CDHR3: variants seen among roughly 807,000 people sequenced by gnomAD.
The protein encoded by CDHR3 is cadherin related family member 3, also known as cadherin-related family member 3.
Under a neutral mutation model 86.6 loss-of-function variants are expected in CDHR3, and 79 were observed. The ratio of observed to expected loss-of-function variants is 0.91; its 90% CI spans 0.76 to 1.10. The LOEUF (loss-of-function observed/expected upper bound fraction) is 1.10, where lower values mean the gene tolerates loss of function less well. Ranked by LOEUF, CDHR3 falls within the 50% of genes least tolerant of loss-of-function variation. The pLI, the probability that CDHR3 is intolerant of heterozygous loss-of-function variation, is 0.00. For synonymous variants in CDHR3, 421 were observed against 402.4 expected, an observed-to-expected ratio of 1.05 and a Z score of -0.55; for missense variants, 1,081 against 1,077.6, an observed-to-expected ratio of 1.00 and a Z score of -0.04.
intron 2 of CDHR3, among the ~76,000 whole-genome samples, chr7:105,979,627 C>T (rs1341568999): frequency 6.6e-6 from 1 of 152,076 alleles, no homozygotes; most frequent in Non-Finnish European, 1.5e-5. Flanking sequence ...ATGATTATTT[C>T]CCTAGTTACA....
chr7:106,027,384 G>A (rs1161487328), intron 16 of CDHR3, among the ~76,000 whole-genome samples: 1 of 134,448 alleles, frequency 7.4e-6, no homozygotes, highest in Non-Finnish European at 1.6e-5. Flanking sequence ...GCGACATAGT[G>A]AGACTCTGTC....
At chr7:106,018,275 T>A (rs1336665608) in intron 12 of CDHR3, among the ~76,000 whole-genome samples, 1 of 152,194 alleles carries the variant, frequency 6.6e-6, no homozygotes, top group Non-Finnish European at 1.5e-5. Flanking sequence ...CTCGCTCTGT[T>A]GCCCAGGATG....
intron 6 of CDHR3, 70 bp from the exon 7 acceptor site, chr7:106,001,392 T>C (rs1833146806): frequency 3.2e-6 from 5 of 1,573,630 alleles, no homozygotes; most frequent in East Asian, 2.2e-5. Context: ...CTAACCAAAA[T>C]ACCAATCGCC....
Position 106,032,958 on chromosome 7 carries a change from T to G in CDHR3, c.*261T>G. ...GCTTCTGATAAGCAAGACTGTTAAC[T>G]TTGGGGTGTGGAATTGTTGTGTTTC... On this transcript the variant is annotated 3_prime_UTR_variant, in exon 19 of 19. Coordinates refer to ENST00000317716, the MANE Select transcript of CDHR3 (RefSeq NM_152750.5). 1 of 464,444 alleles carries G rather than the reference T, an allele frequency of 2.2e-6. No homozygotes were observed. Among genetic ancestry groups the G allele is most frequent in the East Asian group, 3.4e-5 (1 of 29,080 alleles). The allele number at this position is 464,444 out of a possible 1,614,324, so 28.8% of individuals were successfully genotyped here.
chr7:105,988,178 C>T (rs774638818), intron 4 of CDHR3, among the ~76,000 whole-genome samples: 2 of 152,218 alleles, frequency 1.3e-5, no homozygotes, highest in Non-Finnish European at 2.9e-5. Context: ...CATGAGCCAC[C>T]ACACCCAGTG....
chr7:106,011,319 A>G (rs1028214887), intron 8 of CDHR3, among the ~76,000 whole-genome samples: 3 of 152,208 alleles, frequency 2.0e-5, no homozygotes, highest in African/African-American at 4.8e-5. Context: ...TGGAGCATTC[A>G]CAAACATGGC....
In CDHR3 at chr7:106,024,314, G is replaced by A. The variant is rs11505885; in HGVS notation, c.2077-67G>A. ...AAAGAGTGGAATAAACACTCAACAC[G>A]AGAGAGTGCTGAATGTCAAAATCAC... On this transcript the variant is annotated intron_variant, in intron 14 of 18. Transcript: ENST00000317716. 4.0e-4 allele frequency: 554 copies of A among 1,371,306 alleles called. 3 individuals are homozygous for A. The African/African-American group carries it at 7.1e-3, about 18-fold the overall frequency. 84.9% of individuals were successfully genotyped at this position (1,371,306 alleles called of 1,614,324 possible). A position where few individuals can be genotyped will look rare whatever the true frequency, so the allele number is the denominator to read the frequency against.
At chr7:106,005,590 T>A (rs1208154068) in intron 8 of CDHR3, among the ~76,000 whole-genome samples, 1 of 152,208 alleles carries the variant, frequency 6.6e-6, no homozygotes, top group African/African-American at 2.4e-5. Context: ...CAGCTCCAGA[T>A]GTCCCCATGG....
chr7:105,975,076 G>A (rs1185016458), intron 2 of CDHR3, 30 bp downstream of exon 2: 8 of 1,540,822 alleles, frequency 5.2e-6, no homozygotes, highest in Non-Finnish European at 6.3e-6. Context: ...CATGAGTGTT[G>A]CCTGCAAAGA....
chr7:106,018,071 C>T lies in CDHR3; in HGVS notation c.1652C>T (p.Thr551Ile). 6.2e-7 allele frequency: 1 copy of T among 1,612,814 alleles called. No homozygotes were observed. Among genetic ancestry groups the T allele is most frequent in the Non-Finnish European group, 8.5e-7 (1 of 1,179,154 alleles). ...ATNNEDTSSV[T>I]VTVNILEEND... ...AACAACGAAGACACAAGCTCTGTCA[C>T]TGTGAGTGGTGCTGCTTGGTATAGT... is the stretch of plus-strand genomic sequence containing the variant. Residue 551 changes from threonine to isoleucine, a missense_variant and splice_region_variant, in exon 12 of 19, where the codon ACT (threonine) becomes ATT (isoleucine). By Grantham distance (89) the Thr-to-Ile change is moderately conservative. Coordinates refer to ENST00000317716, the MANE Select transcript of CDHR3 (RefSeq NM_152750.5).
rs569928867 is a variant in CDHR3 at position 106,026,314 on chromosome 7, G to T, written c.2259-368G>T. Among the ~76,000 whole-genome samples the T allele has an allele frequency of 1.1e-4, 17 of 152,298 alleles. No individual in the cohort carries two copies. The South Asian group carries it at 3.3e-3, about 30-fold the overall frequency. ...CTCCCTGTTGTGAGCCAAGCCTTCT[G>T]CTCTGCTGGCTCTTGGGGAGAAAGG... is the stretch of plus-strand genomic sequence containing the variant. On this transcript the variant is annotated intron_variant, in intron 15 of 18. Transcript: ENST00000317716.
At chr7:106,004,145 A>G (rs1393168044) in intron 7 of CDHR3, among the ~76,000 whole-genome samples, 1 of 152,220 alleles carries the variant, frequency 6.6e-6, no homozygotes, top group Non-Finnish European at 1.5e-5. Flanking sequence ...CTCCACTATT[A>G]GCCTGACTGA....
In CDHR3 at chr7:106,008,487, A is replaced by G. The variant is rs192683750; in HGVS notation, c.1052+3800A>G. Among the ~76,000 whole-genome samples the G allele has an allele frequency of 3.9e-5, 6 of 152,208 alleles. No homozygotes were observed. In the East Asian group the frequency reaches 1.2e-3, roughly 29 times the overall value. Reference sequence around the variant, plus strand: ...CATATACTCTGTGAGCACCTTCTTCATAGTCCCTTTACTGACCCCTCCTAG... The same window carrying G: ...CATATACTCTGTGAGCACCTTCTTCGTAGTCCCTTTACTGACCCCTCCTAG... On this transcript the variant is annotated intron_variant, in intron 8 of 18. Transcript: ENST00000317716.
Position 106,015,905 on chromosome 7 carries a change from G to A in CDHR3, c.1328-22G>A, listed in dbSNP as rs991152797. 6 of 1,468,298 alleles carry A rather than the reference G, an allele frequency of 4.1e-6. No homozygotes were observed. In the Admixed American group the frequency reaches 5.2e-5, roughly 13 times the overall value. 91.0% of individuals were successfully genotyped at this position (1,468,298 alleles called of 1,614,324 possible). On this transcript the variant is annotated intron_variant, in intron 10 of 18. Transcript: ENST00000317716. ...GATGAGTATGGATTTGTGATTAAATGTGTTTCTATTTCCATTTTTAGATAA... is the reference window on the plus strand; with the variant it reads ...GATGAGTATGGATTTGTGATTAAATATGTTTCTATTTCCATTTTTAGATAA...
intron 4 of CDHR3, among the ~76,000 whole-genome samples, chr7:105,987,593 T>C (rs1258582038): frequency 6.6e-6 from 1 of 152,160 alleles, no homozygotes; most frequent in African/African-American, 2.4e-5. Flanking sequence ...CAACCTTGGC[T>C]GTAAATTGAA....
At position 106,028,585 on chromosome 7, in the gene CDHR3, G is replaced by T. The variant is rs770015470; in HGVS notation, c.2304+3G>T. On this transcript the variant is annotated splice_donor_region_variant and intron_variant, in intron 17 of 18. Coordinates refer to ENST00000317716, the MANE Select transcript of CDHR3 (RefSeq NM_152750.5). ...CTGCAGAGAGAGACGTCGTGGTGGT[G>T]AGTATGGGCAGTGTGGGGCACCAGG... 7 of 1,613,956 alleles carry T rather than the reference G, an allele frequency of 4.3e-6. No homozygotes were observed. Among genetic ancestry groups the T allele is most frequent in the Non-Finnish European group, 5.9e-6 (7 of 1,179,864 alleles).
At chr7:105,981,507 G>A (rs1301567273) in intron 3 of CDHR3, among the ~76,000 whole-genome samples, 1 of 152,138 alleles carries the variant, frequency 6.6e-6, no homozygotes, top group African/African-American at 2.4e-5. Flanking sequence ...CTGACTTCTT[G>A]AGGGCAGCGT....
At chr7:106,029,344 G>A (rs1423391480) in intron 17 of CDHR3, among the ~76,000 whole-genome samples, 1 of 152,138 alleles carries the variant, frequency 6.6e-6, no homozygotes, top group Non-Finnish European at 1.5e-5. Context: ...GGCCCTCCCT[G>A]GTCCGGGGTT....
At position 106,030,474 on chromosome 7, in the gene CDHR3, A is replaced by G. The variant is rs571825473; in HGVS notation, c.2305-318A>G. 2.5e-4 allele frequency among the ~76,000 whole-genome samples: 38 copies of G among 152,314 alleles called. No homozygotes were observed. The South Asian group carries it at 7.5e-3, about 30-fold the overall frequency. The stretch of plus-strand genomic sequence containing the variant: ...TTCTACGCTCAGATTTTATTTACTC[A>G]GGATGCTTCCTTAACCCCCAAGTGT... On this transcript the variant is annotated intron_variant, in intron 17 of 18. Coordinates refer to ENST00000317716, the MANE Select transcript of CDHR3 (RefSeq NM_152750.5). The surrounding 1 kb of genome is among the most constrained non-coding windows in gnomAD (Gnocchi z 4.8).
Sources: gnomAD v4.1 joint callset for allele counts (sites outside exome capture counted in the v4.1 genomes callset) on GRCh38, gnomAD v4.1.1 for gene constraint, Gnocchi (gnomAD v3.1) non-coding constraint, MANE v1.5 for transcripts, NCBI Gene and HGNC (gene_info 2026-07-23, HGNC 2026-07-21) for gene names.